Variants in PRTG observed in about 807,000 individuals in gnomAD.
PRTG encodes immunoglobulin superfamily, DCC subclass, member 5.
Under a neutral mutation model 122.5 loss-of-function variants are expected in PRTG, and 67 were observed. The observed-to-expected ratio is 0.55, with a 90% CI of 0.45 to 0.67. The LOEUF is 0.67. PRTG is among the 30% of genes least tolerant of loss of function. PRTG has a pLI of 0.00. For synonymous variants in PRTG, 554 were observed against 501.1 expected (o/e 1.11, Z -1.41); for missense variants, 1,435 against 1,415.4 (o/e 1.01, Z -0.22).
At chr15:55,738,025 T>TACACAC (rs869067847) in intron 2 of PRTG, among the ~76,000 whole-genome samples, 69 of 95,668 alleles carry the variant, frequency 7.2e-4, no homozygotes, top group African/African-American at 2.3e-3. Flanking sequence ...TATATATATA[T>TACACAC]ACACACACAC....
At chr15:55,681,709 C>T (rs945929497) in intron 4 of PRTG, among the ~76,000 whole-genome samples, 2 of 151,980 alleles carry the variant, frequency 1.3e-5, no homozygotes, top group Admixed American at 6.5e-5. Flanking sequence ...AAATGCAAAT[C>T]GTGGTATTTC....
chr15:55,726,132 G>A (rs76061275), intron 2 of PRTG, among the ~76,000 whole-genome samples: 3 of 152,052 alleles, frequency 2.0e-5, no homozygotes, highest in Non-Finnish European at 4.4e-5. Flanking sequence ...TAGTCGAGAC[G>A]GGGTTTCACC....
chr15:55,619,618 T>C lies in PRTG; in HGVS notation c.*394A>G, dbSNP rs566195301. The C allele has an allele frequency of 1.8e-3, 330 of 178,726 alleles. 2 individuals carry two copies. Among genetic ancestry groups the C allele is most frequent in the African/African-American group, 7.6e-3 (319 of 41,960 alleles). The allele number at this position is 178,726 out of a possible 1,614,324, so 11.1% of individuals were successfully genotyped here. On this transcript the variant is annotated 3_prime_UTR_variant, in exon 20 of 20. Transcript: ENST00000389286. ...TGAGGTAGATAGTCAGCAAAGGGGC[T>C]TTCAAAAGTCTTCCCTTTGCTCCAG...
intron 11 of PRTG, among the ~76,000 whole-genome samples, chr15:55,656,600 C>T (rs1210327681): frequency 2.6e-5 from 4 of 152,078 alleles, no homozygotes; most frequent in Non-Finnish European, 4.4e-5. Context: ...CTCTGCCTCC[C>T]GGGTTCATGC....
At position 55,638,691 on chromosome 15, in the gene PRTG, G is replaced by A; in HGVS notation, c.2325-15C>T. 1 of 1,606,118 alleles carries A rather than the reference G, an allele frequency of 6.2e-7. No individual in the cohort carries two copies. The highest frequency in any genetic ancestry group is 8.5e-7 in the Non-Finnish European group (1 of 1,175,850). On this transcript the variant is annotated splice_polypyrimidine_tract_variant and intron_variant, in intron 13 of 19. Transcript: ENST00000389286. ...GAGTTTCTGATCTATAATAACGAGT[G>A]ATGAAGTTGTTAATGCTGGTAGTAT...
chr15:55,629,032 TGAAC>T (rs2059211077), intron 15 of PRTG, 28 bp from the exon 16 acceptor site: 1 of 1,487,024 alleles, frequency 6.7e-7, no homozygotes, highest in Non-Finnish European at 9.2e-7. Context: ...ACAAATTAAG[TGAAC>T]ATTTATCTTT....
chr15:55,710,301 C>T (rs1255552163), intron 2 of PRTG, among the ~76,000 whole-genome samples: 3 of 152,196 alleles, frequency 2.0e-5, no homozygotes, highest in South Asian at 2.1e-4. Context: ...TATTAAAATA[C>T]TTCATTTTTA....
Position 55,682,480 on chromosome 15 carries a change from G to T in PRTG, c.560C>A (p.Thr187Lys). 2 of 1,561,134 alleles carry T rather than the reference G, an allele frequency of 1.3e-6. No homozygotes were observed. The change falls in exon 4 of 20, where the codon ACA becomes AAA. Residue 187 changes from threonine to lysine, a missense_variant. By Grantham distance (78) the Thr-to-Lys change is moderately conservative. Transcript: ENST00000389286. ...MTMDRITALP[T>K]GVLQIYDVSQ... ...GACATCATAGATCTGCAATACTCCT[G>T]TTGGTAGGGCAGTTATCCTGTTATG... is the stretch of plus-strand genomic sequence containing the variant.
At chr15:55,635,611 A>G (rs186085549) in intron 15 of PRTG, among the ~76,000 whole-genome samples, 2 of 152,334 alleles carry the variant, frequency 1.3e-5, no homozygotes, top group African/African-American at 4.8e-5. Flanking sequence ...AATACTTAGT[A>G]CTTTCAAGTC....
At chr15:55,722,573 G>C (rs1467226465) in intron 2 of PRTG, among the ~76,000 whole-genome samples, 2 of 151,902 alleles carry the variant, frequency 1.3e-5, no homozygotes, top group Admixed American at 6.6e-5. Context: ...AACGAAGAAA[G>C]TCAGAAATAA....
chr15:55,641,188 C>A lies in PRTG; in HGVS notation c.2062G>T (p.Val688Leu). The change falls in exon 12 of 20, where the codon GTG (valine) becomes TTG (leucine). Residue 688 changes from valine to leucine, a missense_variant. Transcript: ENST00000389286. ...ATGTTGTTGTAAGCCAGGAGTCTCA[C>A]ATGATATTTTCTTCTGGGGTCTATA... The part of the protein sequence containing the change: ...SGLDPRRKYH[V>L]RLLAYNNIDD... 1 of 1,613,422 alleles carries A rather than the reference C, an allele frequency of 6.2e-7. No homozygotes were observed. Among genetic ancestry groups the A allele is most frequent in the Non-Finnish European group, 8.5e-7 (1 of 1,179,416 alleles).
intron 2 of PRTG, among the ~76,000 whole-genome samples, chr15:55,700,713 C>T (rs544934067): frequency 8.8e-4 from 134 of 152,068 alleles, no homozygotes; most frequent in African/African-American, 2.8e-3. Flanking sequence ...CCTGGGAGGT[C>T]GAGGCTGTAC....
chr15:55,708,173 A>AC (rs1366384680), intron 2 of PRTG, among the ~76,000 whole-genome samples: 1 of 150,244 alleles, frequency 6.7e-6, no homozygotes, highest in Non-Finnish European at 1.5e-5. Context: ...AAAAAAAAAA[A>AC]AAAACAGAGG....
chr15:55,640,617 T>A (rs1326629111), intron 12 of PRTG, among the ~76,000 whole-genome samples: 2 of 152,206 alleles, frequency 1.3e-5, no homozygotes, highest in Non-Finnish European at 2.9e-5. Context: ...AGTGGTTATT[T>A]TCCTCAGTTA....
chr15:55,738,071 A>ATATATATATATATATATATATATATATAT (rs1555438618), intron 2 of PRTG: 2 of 105,434 alleles, frequency 1.9e-5, no homozygotes, highest in Non-Finnish European at 4.1e-5. Flanking sequence ...TCTTCCTGTA[A>ATATATATATATATATATATATATATATAT]ATATATATAT....
intron 11 of PRTG, among the ~76,000 whole-genome samples, chr15:55,653,370 C>T (rs1162174404): frequency 1.3e-5 from 2 of 152,136 alleles, no homozygotes; most frequent in African/African-American, 4.8e-5. Context: ...CCCTCTCCTA[C>T]TGAGTTTAGA....
At chr15:55,737,292 G>C (rs1422621239) in intron 2 of PRTG, among the ~76,000 whole-genome samples, 3 of 152,166 alleles carry the variant, frequency 2.0e-5, no homozygotes, top group African/African-American at 7.2e-5. Flanking sequence ...TAATAAAAAG[G>C]ATTATCTTTT....
At chr15:55,668,990 C>T (rs1248263667) in intron 11 of PRTG, among the ~76,000 whole-genome samples, 1 of 152,124 alleles carries the variant, frequency 6.6e-6, no homozygotes, top group East Asian at 1.9e-4. Flanking sequence ...ACATCTGTTA[C>T]ACCTTTTTAT....
At chr15:55,723,263 A>G (rs1400182793) in intron 2 of PRTG, among the ~76,000 whole-genome samples, 3 of 152,224 alleles carry the variant, frequency 2.0e-5, no homozygotes, top group Non-Finnish European at 2.9e-5. Context: ...ATGGAAAAGG[A>G]GAGGTTAGCA....
Sources: gnomAD v4.1 joint callset for allele counts (sites outside exome capture counted in the v4.1 genomes callset) on GRCh38, gnomAD v4.1.1 for gene constraint, MANE v1.5 for transcripts, NCBI Gene and HGNC (gene_info 2026-07-23, HGNC 2026-07-21) for gene names.